ZBBX: variants seen among roughly 807,000 people sequenced by gnomAD.
ZBBX encodes zinc finger B-box domain containing.
Under a neutral mutation model 108.5 loss-of-function variants are expected in ZBBX, and 101 were observed. That is an observed-to-expected ratio of 0.93 (90% confidence interval 0.79 to 1.10). The LOEUF is 1.10. ZBBX is among the 50% of genes least tolerant of loss of function. The pLI, the probability that ZBBX is intolerant of heterozygous loss-of-function variation, is 0.00. For synonymous variants in ZBBX, 356 were observed against 323.4 expected, an observed-to-expected ratio of 1.10 and a Z score of -1.08; for missense variants, 1,009 against 941.4, an observed-to-expected ratio of 1.07 and a Z score of -0.94.
downstream of ZBBX, among the ~76,000 whole-genome samples, chr3:167,236,255 A>G (rs1050997075): frequency 4.6e-5 from 7 of 151,752 alleles, no homozygotes; most frequent in Non-Finnish European, 1.0e-4. Flanking sequence ...ACATCATTCA[A>G]TCTAATTATC....
At chr3:167,330,505 T>TA (rs1215588648) in intron 10 of ZBBX, among the ~76,000 whole-genome samples, 1 of 152,050 alleles carries the variant, frequency 6.6e-6, no homozygotes, top group Non-Finnish European at 1.5e-5. Context: ...CCAATGTGAC[T>TA]ACATTTTGAG....
chr3:167,180,482 C>T, the ZBBX span, among the ~76,000 whole-genome samples: 7 of 152,174 alleles, frequency 4.6e-5, no homozygotes, highest in African/African-American at 1.4e-4. Context: ...TTGTCAGGAG[C>T]TATAATTAAA....
intron 20 of ZBBX, chr3:167,252,333 C>T: frequency 1.9e-6 from 1 of 534,432 alleles, no homozygotes; most frequent in Non-Finnish European, 3.0e-6. Flanking sequence ...TGTCTGAGAG[C>T]AAACCTCATG....
At chr3:167,236,930 G>A (rs1160440474), downstream of ZBBX, among the ~76,000 whole-genome samples, 6 of 151,858 alleles carry the variant, frequency 4.0e-5, no homozygotes, top group Non-Finnish European at 7.4e-5. Flanking sequence ...AATTTGGATA[G>A]AGATTAGATA....
intron 11 of ZBBX, among the ~76,000 whole-genome samples, chr3:167,323,150 T>C (rs1316193606): frequency 1.4e-5 from 2 of 146,136 alleles, no homozygotes; most frequent in African/African-American, 2.5e-5. Flanking sequence ...GTTAAGGACA[T>C]GAGCAAGTCA....
chr3:167,405,684 G>A (rs1205388014), intron 1 of ZBBX, among the ~76,000 whole-genome samples: 1 of 152,212 alleles, frequency 6.6e-6, no homozygotes, highest in Non-Finnish European at 1.5e-5. Flanking sequence ...ATTAGTAATT[G>A]AAGAAGGTAT....
chr3:167,399,442 G>A (rs1243245382), intron 1 of ZBBX: 1 of 152,048 alleles, frequency 6.6e-6, no homozygotes, highest in East Asian at 1.9e-4. Context: ...CTTGCACTCT[G>A]GTGCTAGAGG....
intron 20 of ZBBX, among the ~76,000 whole-genome samples, chr3:167,263,498 A>G (rs61066297): frequency 0.05 from 7,644 of 152,066 alleles, 525 homozygotes; most frequent in African/African-American, 0.15. Flanking sequence ...GTCATTTGGG[A>G]GCATACTGTT....
chr3:167,315,349 A>G (rs1040030872), intron 15 of ZBBX, among the ~76,000 whole-genome samples: 3 of 152,158 alleles, frequency 2.0e-5, no homozygotes, highest in Non-Finnish European at 2.9e-5. Context: ...TTAGTCTCTC[A>G]GCCTAATCAT....
chr3:167,369,951 G>A (rs1232614987), intron 4 of ZBBX, among the ~76,000 whole-genome samples: 2 of 152,024 alleles, frequency 1.3e-5, no homozygotes, highest in Non-Finnish European at 1.5e-5. Context: ...TGCAGAATAG[G>A]AAAAGTAGCA....
chr3:167,377,488 T>C (rs1048673116), intron 2 of ZBBX, among the ~76,000 whole-genome samples: 2 of 152,142 alleles, frequency 1.3e-5, no homozygotes, highest in African/African-American at 4.8e-5. Context: ...GTAGCAATAT[T>C]TTGAAATGGT....
chr3:167,237,889 C>T (rs1447961776), downstream of ZBBX, among the ~76,000 whole-genome samples: 2 of 151,860 alleles, frequency 1.3e-5, no homozygotes, highest in Non-Finnish European at 2.9e-5. Context: ...ATCTTCTGAG[C>T]TAGTTCACAA....
At chr3:167,394,311 G>A (rs559583513) in intron 1 of ZBBX, among the ~76,000 whole-genome samples, 2 of 151,822 alleles carry the variant, frequency 1.3e-5, no homozygotes, top group Non-Finnish European at 2.9e-5. Flanking sequence ...TTTGCTATTC[G>A]AAGACTTTAA....
At chr3:167,249,458 C>G (rs1576770786) in intron 20 of ZBBX, among the ~76,000 whole-genome samples, 1 of 152,302 alleles carries the variant, frequency 6.6e-6, no homozygotes, top group South Asian at 2.1e-4. Flanking sequence ...GGGGTCCACC[C>G]AGACCACCCT....
At chr3:167,296,260 T>C (rs964966689) in intron 18 of ZBBX, among the ~76,000 whole-genome samples, 1 of 151,966 alleles carries the variant, frequency 6.6e-6, no homozygotes, top group Admixed American at 6.6e-5. Flanking sequence ...CTCTACACAA[T>C]AAAAGTAATA....
chr3:167,352,833 A>AC (rs1225936893), intron 8 of ZBBX, among the ~76,000 whole-genome samples: 6 of 152,198 alleles, frequency 3.9e-5, no homozygotes, highest in African/African-American at 1.2e-4. Flanking sequence ...TATGCAAACC[A>AC]ATAAATGTGA....
chr3:167,227,193 A>G, the ZBBX span, among the ~76,000 whole-genome samples: 1 of 151,914 alleles, frequency 6.6e-6, no homozygotes, highest in South Asian at 2.1e-4. Flanking sequence ...CCATATTCCT[A>G]CGCAGAGTCT....
At chr3:167,291,303 GA>G (rs1196243995) in intron 18 of ZBBX, among the ~76,000 whole-genome samples, 4 of 152,028 alleles carry the variant, frequency 2.6e-5, no homozygotes, top group African/African-American at 9.7e-5. Context: ...AGGGCAGCCA[GA>G]GAGAAAGGTT....
intron 20 of ZBBX, among the ~76,000 whole-genome samples, chr3:167,269,350 T>C (rs185326160): frequency 2.0e-5 from 3 of 152,358 alleles, no homozygotes; most frequent in East Asian, 3.9e-4. Context: ...AATTCTAAGA[T>C]TGATTGACTC....
Sources: gnomAD v4.1 joint callset for allele counts (sites outside exome capture counted in the v4.1 genomes callset) on GRCh38, gnomAD v4.1.1 for gene constraint, MANE v1.5 for transcripts, NCBI Gene and HGNC (gene_info 2026-07-23, HGNC 2026-07-21) for gene names.